The following HACE1 variants were observed in gnomAD, a reference collection of about 807,000 sequenced individuals.
HACE1 encodes E3 ubiquitin-protein ligase HACE1.
A neutral mutation model predicts 118.4 loss-of-function variants in HACE1; 73 were observed. The observed-to-expected ratio is 0.62, with a 90% CI of 0.51 to 0.75. The LOEUF (loss-of-function observed/expected upper bound fraction) is 0.75. Among genes scored for constraint, HACE1 ranks in the 30% least tolerant of loss-of-function variants. The probability of loss-of-function intolerance (pLI) is 0.00; values close to 1 mark genes in which losing one functional copy is unlikely to be tolerated. For synonymous variants in HACE1, 368 were observed against 374.8 expected (o/e 0.98, Z 0.21); for missense variants, 749 against 1,102.2 (o/e 0.68, Z 4.54).
intron 5 of HACE1, among the ~76,000 whole-genome samples, chr6:104,836,614 A>G (rs758148777): frequency 9.9e-5 from 15 of 152,118 alleles, no homozygotes; most frequent in Non-Finnish European, 1.6e-4. Context: ...TAGGGTGGCT[A>G]AGGCAGGAGA....
chr6:104,817,339 G>A (rs968690334), intron 6 of HACE1, among the ~76,000 whole-genome samples: 3 of 152,104 alleles, frequency 2.0e-5, no homozygotes, highest in Admixed American at 6.5e-5. Context: ...TCTTGTGATA[G>A]TGAATGAGTT....
In HACE1 at chr6:104,852,475, G is replaced by C. The variant is rs1157051862; in HGVS notation, c.77-104C>G. On this transcript the variant is annotated intron_variant, in intron 1 of 23. Coordinates refer to ENST00000262903, the MANE Select transcript of HACE1 (RefSeq NM_020771.4). Reference sequence around the variant, plus strand: ...CCTAACTCTATACAAAAAGCGAAAAGGAGAGGAAGAAGGAGGAAAGAATAA... The same window carrying C: ...CCTAACTCTATACAAAAAGCGAAAACGAGAGGAAGAAGGAGGAAAGAATAA... 4.2e-6 allele frequency: 3 copies of C among 716,572 alleles called. No homozygotes were observed. The Admixed American group carries it at 6.5e-5, about 15-fold the overall frequency. The allele number at this position is 716,572 out of a possible 1,614,324, so 44.4% of individuals were successfully genotyped here.
chr6:104,850,110 G>A (rs897451144), intron 3 of HACE1, among the ~76,000 whole-genome samples: 3 of 151,648 alleles, frequency 2.0e-5, no homozygotes, highest in Non-Finnish European at 4.4e-5. Context: ...CCATCACGCC[G>A]AGCTGATTTT....
intron 17 of HACE1, among the ~76,000 whole-genome samples, chr6:104,772,465 G>A (rs925934562): frequency 6.6e-6 from 1 of 152,122 alleles, no homozygotes. Context: ...CTGTTCGCTA[G>A]GACAGACATT....
chr6:104,772,083 A>G lies in HACE1; in HGVS notation c.1865-9T>C, dbSNP rs1317248927. 1 of 1,426,826 alleles carries G rather than the reference A, an allele frequency of 7.0e-7. No individual in the cohort carries two copies. Among genetic ancestry groups the G allele is most frequent in the African/African-American group, 1.4e-5 (1 of 70,860 alleles). 88.4% of individuals were successfully genotyped at this position (1,426,826 alleles called of 1,614,324 possible). A position where few individuals can be genotyped will look rare whatever the true frequency, so the allele number is the denominator to read the frequency against. On this transcript the variant is annotated splice_polypyrimidine_tract_variant and intron_variant, in intron 17 of 23. Transcript: ENST00000262903. ...AGGCTGAAAAGTTGTTCCTATTGAAATAAATACAAAATAATATATTATTAA... is the reference window on the plus strand; with the variant it reads ...AGGCTGAAAAGTTGTTCCTATTGAAGTAAATACAAAATAATATATTATTAA...
chr6:104,745,160 C>G (rs747981334), intron 20 of HACE1, among the ~76,000 whole-genome samples: 2 of 152,012 alleles, frequency 1.3e-5, no homozygotes, highest in African/African-American at 2.4e-5. Flanking sequence ...AATTTGGATC[C>G]TGTAAAGTCA....
intron 6 of HACE1, 56 bp downstream of exon 6, chr6:104,832,985 GA>G (rs2115093119): frequency 1.3e-6 from 2 of 1,505,622 alleles, no homozygotes; most frequent in East Asian, 4.5e-5. Context: ...AACTTTTCAT[GA>G]AATCAATTTT....
chr6:104,795,525 T>C (rs1783515978), intron 10 of HACE1, 54 bp downstream of exon 10: 1 of 1,005,942 alleles, frequency 9.9e-7, no homozygotes, highest in South Asian at 1.3e-5. Flanking sequence ...ACTCAGGAGG[T>C]GAAGCCAACA....
chr6:104,812,100 A>T (rs9386432), intron 6 of HACE1, among the ~76,000 whole-genome samples: 36,678 of 147,912 alleles, frequency 0.25, 4,754 homozygotes, highest in African/African-American at 0.35. Flanking sequence ...AGGACAGGAC[A>T]GGGCCCAGTT....
At chr6:104,849,793 C>T (rs1424838612) in intron 3 of HACE1, among the ~76,000 whole-genome samples, 2 of 151,810 alleles carry the variant, frequency 1.3e-5, no homozygotes, top group Non-Finnish European at 2.9e-5. Flanking sequence ...GGACTACAGG[C>T]ACCTGCCACC....
At position 104,843,218 on chromosome 6, in the gene HACE1, CT is replaced by C; in HGVS notation, c.402+4del. 7.4e-7 allele frequency: 1 copy of C among 1,344,942 alleles called. No individual in the cohort carries two copies. The highest frequency in any genetic ancestry group is 1.1e-6 in the Non-Finnish European group (1 of 934,610). The allele number at this position is 1,344,942 out of a possible 1,614,324, so 83.3% of individuals were successfully genotyped here. On this transcript the variant is annotated splice_donor_region_variant and intron_variant, in intron 5 of 23. Coordinates refer to ENST00000262903, the MANE Select transcript of HACE1 (RefSeq NM_020771.4). ...AAAACATCAGATGAAATTGATAGCACTTACTGCTGTAAGGCCTTCATTATTA... is the reference window on the plus strand; with the variant it reads ...AAAACATCAGATGAAATTGATAGCACTACTGCTGTAAGGCCTTCATTATTA...
chr6:104,858,546 G>C (rs1776979125), intron 1 of HACE1: 1 of 357,968 alleles, frequency 2.8e-6, no homozygotes, highest in East Asian at 1.1e-4. Context: ...TAAAAGAAAG[G>C]AAAGAAAATT....
intron 20 of HACE1, among the ~76,000 whole-genome samples, chr6:104,748,618 G>C (rs1562283091): frequency 6.6e-6 from 1 of 152,192 alleles, no homozygotes; most frequent in East Asian, 1.9e-4. Flanking sequence ...TTTCCTAAAG[G>C]CATGTTTATA....
chr6:104,752,702 T>C (rs1778191531), intron 19 of HACE1, among the ~76,000 whole-genome samples: 1 of 152,132 alleles, frequency 6.6e-6, no homozygotes, highest in Non-Finnish European at 1.5e-5. Context: ...CTCTATTTTT[T>C]ACCAATTAAT....
intron 19 of HACE1, among the ~76,000 whole-genome samples, chr6:104,762,004 G>A (rs9499961): frequency 0.034 from 5,145 of 152,200 alleles, 273 homozygotes; most frequent in African/African-American, 0.12. Context: ...ATAAGATACT[G>A]TCTCACACCA....
intron 6 of HACE1, among the ~76,000 whole-genome samples, chr6:104,815,215 A>G (rs1015928099): frequency 1.5e-5 from 2 of 137,848 alleles, no homozygotes; most frequent in South Asian, 2.2e-4. Flanking sequence ...GGCTGAGGTG[A>G]TCTCAGATGG....
Position 104,753,609 on chromosome 6 carries a change from C to T in HACE1, c.2212-3137G>A, listed in dbSNP as rs1213865652. The stretch of plus-strand genomic sequence containing the variant: ...CCTCCAGGTATGGGAGAAACCAAGG[C>T]AACTGGGGTCTGGAGAGGACCCCTG... On this transcript the variant is annotated intron_variant, in intron 19 of 23. Transcript: ENST00000262903. 2.6e-5 allele frequency among the ~76,000 whole-genome samples: 4 copies of T among 152,172 alleles called. No individual in the cohort carries two copies. The East Asian group carries it at 7.7e-4, about 29-fold the overall frequency.
Position 104,758,135 on chromosome 6 carries a change from T to C in HACE1, c.2212-7663A>G, listed in dbSNP as rs567993303. On this transcript the variant is annotated intron_variant, in intron 19 of 23. Transcript: ENST00000262903. ...TTAGAAAACACTCTTCAGGATATTA[T>C]CCAGGAGAACTTCCCCAACCTAGCA... Among the ~76,000 whole-genome samples the C allele has an allele frequency of 2.0e-5, 3 of 152,242 alleles. No homozygotes were observed. In the South Asian group the frequency reaches 6.2e-4, roughly 32 times the overall value.
At chr6:104,844,968 T>A (rs2115180080) in intron 4 of HACE1, among the ~76,000 whole-genome samples, 1 of 152,156 alleles carries the variant, frequency 6.6e-6, no homozygotes, top group East Asian at 1.9e-4. Context: ...CCGGCCCCCA[T>A]CACAACCATT....
Sources: gnomAD v4.1 joint callset for allele counts (sites outside exome capture counted in the v4.1 genomes callset) on GRCh38, gnomAD v4.1.1 for gene constraint, MANE v1.5 for transcripts, NCBI Gene and HGNC (gene_info 2026-07-23, HGNC 2026-07-21) for gene names.